GALNT8: variants seen among roughly 807,000 people sequenced by gnomAD.
GALNT8 encodes polypeptide N-acetylgalactosaminyltransferase 8.
GALNT8 carries 66 observed loss-of-function variants against 62.7 expected under a neutral mutation model. The ratio of observed to expected loss-of-function variants is 1.05; its 90% CI spans 0.86 to 1.29. The LOEUF (loss-of-function observed/expected upper bound fraction) is 1.29. Ranked by LOEUF, GALNT8 falls within the 50% of genes most tolerant of loss-of-function variation. GALNT8 has a pLI of 0.00. For missense variants in GALNT8, 771 were observed against 791.8 expected (o/e 0.97, Z 0.32); for synonymous variants, 288 against 294.3 (o/e 0.98, Z 0.22).
At chr12:4,761,242 TAAAG>T in intron 7 of GALNT8, 99 bp downstream of exon 7, 1 of 946,520 alleles carries the variant, frequency 1.1e-6, no homozygotes, top group Non-Finnish European at 1.6e-6. Flanking sequence ...ATCGCAGCCC[TAAAG>T]AATTAGGGTA....
intron 1 of GALNT8, among the ~76,000 whole-genome samples, chr12:4,724,202 G>A (rs1946184525): frequency 7.0e-6 from 1 of 143,626 alleles, no homozygotes; most frequent in Non-Finnish European, 1.5e-5. Flanking sequence ...ATACTTAGTT[G>A]AATCATGTAA....
intron 9 of GALNT8, among the ~76,000 whole-genome samples, 195 bp from the exon 10 acceptor site, chr12:4,765,184 G>GTC (rs1946393473): frequency 6.6e-6 from 1 of 151,954 alleles, no homozygotes; most frequent in African/African-American, 2.4e-5. Context: ...CTTCTCCCTG[G>GTC]ATTCAAGGAG....
At chr12:4,760,887 C>A (rs748781263) in intron 6 of GALNT8, 71 bp from the exon 7 acceptor site, 67 of 1,322,848 alleles carry the variant, frequency 5.1e-5, no homozygotes, top group South Asian at 2.1e-4. Flanking sequence ...AAAATGTAGT[C>A]TTCTTGTGTC....
At position 4,745,477 on chromosome 12, in the gene GALNT8, G is replaced by A. The variant is rs912439525; in HGVS notation, c.909G>A (p.Val303=). The change falls in exon 5 of 11, where the codon GTG becomes GTA. Residue 303 remains valine, a synonymous_variant. Transcript: ENST00000252318. ...ARIQEDRTVI[V]SPVFDNIRFD... ...TTCAGGAGGACCGCACTGTGATTGT[G>A]TCTCCTGTGTTTGACAACATTCGTT... 6.2e-7 allele frequency: 1 copy of A among 1,613,070 alleles called. No homozygotes were observed. The highest frequency in any genetic ancestry group is 2.2e-5 in the East Asian group (1 of 44,876).
rs937159001 is a variant in GALNT8 at position 4,720,866 on chromosome 12, G to A, written c.189G>A (p.Leu63=). The A allele has an allele frequency of 6.2e-7, 1 of 1,602,352 alleles. No individual in the cohort carries two copies. Among genetic ancestry groups the A allele is most frequent in the Non-Finnish European group, 8.6e-7 (1 of 1,169,464 alleles). The change falls in exon 1 of 11, where the codon TTG becomes TTA. Residue 63 remains leucine (L), a synonymous_variant. Transcript: ENST00000252318. ...YGAVIKRLSH[L]EVELQDLKES... is the part of the protein sequence containing the mutation. The stretch of plus-strand genomic sequence containing the variant: ...CAGTGATAAAGAGACTCTCCCACTT[G>A]GAGGTGGAATTGCAGGATCTGAGTA...
chr12:4,745,953 A>G (rs1591569441), intron 5 of GALNT8, among the ~76,000 whole-genome samples, 191 bp from the exon 6 acceptor site: 1 of 152,336 alleles, frequency 6.6e-6, no homozygotes, highest in East Asian at 1.9e-4. Flanking sequence ...ATATATTTTG[A>G]GAAGGGTTAT....
At chr12:4,763,049 T>C (rs991308158) in intron 7 of GALNT8, among the ~76,000 whole-genome samples, 1 of 152,256 alleles carries the variant, frequency 6.6e-6, no homozygotes, top group African/African-American at 2.4e-5. Context: ...GTATGGCTGC[T>C]GGGATTGGCC....
intron 10 of GALNT8, among the ~76,000 whole-genome samples, chr12:4,766,599 A>G (rs1946401189): frequency 6.6e-6 from 1 of 152,190 alleles, no homozygotes; most frequent in Non-Finnish European, 1.5e-5. Context: ...GGCAGAATTC[A>G]TGTGATGATG....
At chr12:4,735,761 C>T (rs1946241845) in intron 2 of GALNT8, among the ~76,000 whole-genome samples, 1 of 152,170 alleles carries the variant, frequency 6.6e-6, no homozygotes, top group Non-Finnish European at 1.5e-5. Flanking sequence ...TTCCCCCCAG[C>T]CCACGTCTAC....
intron 2 of GALNT8, among the ~76,000 whole-genome samples, chr12:4,737,654 T>A (rs1946251858): frequency 1.3e-5 from 2 of 152,232 alleles, no homozygotes; most frequent in African/African-American, 4.8e-5. Context: ...CATGTTAAAA[T>A]GTATTTGCCA....
intron 10 of GALNT8, among the ~76,000 whole-genome samples, chr12:4,769,173 G>A (rs1427022375): frequency 6.6e-6 from 1 of 152,196 alleles, no homozygotes; most frequent in Non-Finnish European, 1.5e-5. Flanking sequence ...ATACAAAGAG[G>A]GTCTCTGTGA....
chr12:4,761,788 T>C (rs1003476995), intron 7 of GALNT8, among the ~76,000 whole-genome samples: 4 of 152,146 alleles, frequency 2.6e-5, no homozygotes, highest in African/African-American at 9.7e-5. Context: ...TGCTGTGCTC[T>C]CTCGTGTCCC....
chr12:4,772,680 A>T lies in GALNT8; in HGVS notation c.*83A>T. Reference sequence around the variant, plus strand: ...CCTAACACTCCCAGCTTCTTTCTCAATGAGAAAGAAAGCATGTGTATGTCT... The same window carrying T: ...CCTAACACTCCCAGCTTCTTTCTCATTGAGAAAGAAAGCATGTGTATGTCT... On this transcript the variant is annotated 3_prime_UTR_variant, in exon 11 of 11. Coordinates refer to ENST00000252318, the MANE Select transcript of GALNT8 (RefSeq NM_017417.2). The T allele has an allele frequency of 2.1e-5, 23 of 1,073,196 alleles. No homozygotes were observed. The highest frequency in any genetic ancestry group is 2.9e-5 in the Non-Finnish European group (21 of 718,144). The allele number at this position is 1,073,196 out of a possible 1,614,324, so 66.5% of individuals were successfully genotyped here. A position where few individuals can be genotyped will look rare whatever the true frequency, so the allele number is the denominator to read the frequency against.
At position 4,753,340 on chromosome 12, in the gene GALNT8, C is replaced by T. The variant is rs559661047; in HGVS notation, c.1173+7082C>T. Among the ~76,000 whole-genome samples, 6 of 152,198 alleles carry T rather than the reference C, an allele frequency of 3.9e-5. No individual in the cohort carries two copies. In the East Asian group the frequency reaches 5.8e-4, roughly 15 times the overall value. ...GAGGCTATTTTCTAGATGCTGTAGG[C>T]GTGCTTCATTGCTTTGTATTCTTTT... On this transcript the variant is annotated intron_variant, in intron 6 of 10. Transcript: ENST00000252318.
chr12:4,754,025 C>T (rs1000484628), intron 6 of GALNT8, among the ~76,000 whole-genome samples: 1 of 152,190 alleles, frequency 6.6e-6, no homozygotes, highest in African/African-American at 2.4e-5. Flanking sequence ...CCTTACGTCT[C>T]CCAAACAAAT....
intron 6 of GALNT8, among the ~76,000 whole-genome samples, chr12:4,755,512 C>T (rs1471626065): frequency 1.3e-5 from 2 of 152,222 alleles, no homozygotes; most frequent in Non-Finnish European, 2.9e-5. Flanking sequence ...CTTTCTACCT[C>T]TTCAGTGCCT....
At chr12:4,758,968 G>T (rs1334103642) in intron 6 of GALNT8, among the ~76,000 whole-genome samples, 2 of 151,952 alleles carry the variant, frequency 1.3e-5, no homozygotes, top group African/African-American at 4.8e-5. Context: ...TAGAGACAGG[G>T]TTTCACCATG....
chr12:4,732,250 A>G (rs1173589442), intron 2 of GALNT8, among the ~76,000 whole-genome samples: 1 of 152,264 alleles, frequency 6.6e-6, no homozygotes, highest in Non-Finnish European at 1.5e-5. Context: ...AATAAAGTTT[A>G]TCTTTCCAGC....
chr12:4,750,387 C>CT (rs1246632852), intron 6 of GALNT8, among the ~76,000 whole-genome samples: 1 of 151,778 alleles, frequency 6.6e-6, no homozygotes, highest in East Asian at 1.9e-4. Flanking sequence ...TTGTTCCCCT[C>CT]TTTGTGTTCA....
Sources: allele counts gnomAD v4.1 joint callset (sites outside exome capture counted in the v4.1 genomes callset), GRCh38; gene constraint gnomAD v4.1.1; transcripts MANE v1.5; gene names NCBI Gene and HGNC (gene_info 2026-07-23, HGNC 2026-07-21).